Variants in PHF14 observed in about 807,000 individuals in gnomAD.
PHF14 encodes the protein PHD finger protein 14.
In PHF14, 55 loss-of-function variants were observed where a neutral mutation model predicts 117.9. That is an observed-to-expected ratio of 0.47 (90% confidence interval 0.38 to 0.58). PHF14 has a LOEUF of 0.58. Among genes scored for constraint, PHF14 ranks in the 20% least tolerant of loss-of-function variants. PHF14 has a pLI of 0.00. For missense variants in PHF14, 978 were observed against 1,122.2 expected, an observed-to-expected ratio of 0.87 and a Z score of 1.84; for synonymous variants, 409 against 368.6, an observed-to-expected ratio of 1.11 and a Z score of -1.26.
chr7:11,156,779 C>T (rs961240909), intron 17 of PHF14, among the ~76,000 whole-genome samples: 9 of 151,768 alleles, frequency 5.9e-5, no homozygotes, highest in South Asian at 2.1e-4. Flanking sequence ...GGTCATAGAG[C>T]GAGACTGTCT....
chr7:11,168,854 A>C (rs1244642340), intron 17 of PHF14, among the ~76,000 whole-genome samples: 1 of 152,128 alleles, frequency 6.6e-6, no homozygotes, highest in Admixed American at 6.6e-5. Flanking sequence ...TCATCTATTC[A>C]CCATGTTCCA....
chr7:11,156,895 G>A (rs1203893424), intron 17 of PHF14, among the ~76,000 whole-genome samples: 1 of 152,164 alleles, frequency 6.6e-6, no homozygotes, highest in Non-Finnish European at 1.5e-5. Context: ...AGCAGTATAA[G>A]TTACATTGAG....
At chr7:11,039,786 A>G (rs539427704) in intron 11 of PHF14, among the ~76,000 whole-genome samples, 43 of 152,300 alleles carry the variant, frequency 2.8e-4, no homozygotes, top group African/African-American at 9.9e-4. Flanking sequence ...ATCCTAAAGA[A>G]TGTTTTAAAA....
At chr7:11,118,061 T>C (rs1208068283) in intron 17 of PHF14, among the ~76,000 whole-genome samples, 1 of 151,810 alleles carries the variant, frequency 6.6e-6, no homozygotes, top group Non-Finnish European at 1.5e-5. Flanking sequence ...TACAAAAGCT[T>C]ACAAAAATGT....
chr7:11,006,859 C>T (rs577777478), intron 4 of PHF14: 44 of 629,382 alleles, frequency 7.0e-5, no homozygotes, highest in South Asian at 3.8e-4. Context: ...CCTTCACTTT[C>T]GGCACTGTCT....
At chr7:11,097,466 G>A (rs908420609) in intron 16 of PHF14, among the ~76,000 whole-genome samples, 7 of 151,936 alleles carry the variant, frequency 4.6e-5, no homozygotes, top group Non-Finnish European at 8.8e-5. Context: ...ACCATTAGGC[G>A]TAGTAGTAGG....
In PHF14 at chr7:10,974,335, C is replaced by A. The variant is rs763954045; in HGVS notation, c.1+11C>A. On this transcript the variant is annotated intron_variant, in intron 1 of 17. Transcript: ENST00000634607. ...CTCACGGATTCCTTAGTAAGTGTAT[C>A]CGAGGCCTCTGCGGCGAGAGGTCCA... 1 of 1,589,568 alleles carries A rather than the reference C, an allele frequency of 6.3e-7. No homozygotes were observed. The highest frequency in any genetic ancestry group is 8.6e-7 in the Non-Finnish European group (1 of 1,167,004).
At chr7:11,116,696 A>T (rs1431054019) in intron 17 of PHF14, among the ~76,000 whole-genome samples, 1 of 151,878 alleles carries the variant, frequency 6.6e-6, no homozygotes, top group Admixed American at 6.6e-5. Flanking sequence ...GAGAGAAGGG[A>T]TGAGGACTGA....
chr7:10,999,267 C>G (rs1172080138), intron 4 of PHF14, among the ~76,000 whole-genome samples: 1 of 152,178 alleles, frequency 6.6e-6, no homozygotes, highest in African/African-American at 2.4e-5. Context: ...CAGTTCACTC[C>G]AGTCCTCTCT....
intron 16 of PHF14, among the ~76,000 whole-genome samples, chr7:11,066,385 G>A (rs75450917): frequency 0.013 from 1,937 of 152,178 alleles, 110 homozygotes; most frequent in East Asian, 0.1. Context: ...TCAGCCTCCC[G>A]AGTAGCTGAG....
intron 17 of PHF14, among the ~76,000 whole-genome samples, chr7:11,154,563 T>C (rs1378141278): frequency 6.6e-6 from 1 of 152,198 alleles, no homozygotes; most frequent in Non-Finnish European, 1.5e-5. Context: ...CCTAGACCTA[T>C]ATTGGTCCTA....
At chr7:11,122,331 T>TATATATA (rs1787779306) in intron 17 of PHF14, among the ~76,000 whole-genome samples, 5 of 84,070 alleles carry the variant, frequency 5.9e-5, no homozygotes, top group South Asian at 3.9e-4. Flanking sequence ...TTTGTACTTT[T>TATATATA]TATATATATA....
chr7:11,166,902 CTG>C (rs1010967368), intron 17 of PHF14, among the ~76,000 whole-genome samples: 60 of 152,256 alleles, frequency 3.9e-4, no homozygotes, highest in Admixed American at 1.0e-3. Flanking sequence ...CATTTATAAA[CTG>C]TACTTTATTT....
intron 17 of PHF14, among the ~76,000 whole-genome samples, chr7:11,162,225 A>G (rs540270220): frequency 2.0e-5 from 3 of 151,130 alleles, no homozygotes; most frequent in African/African-American, 7.3e-5. Flanking sequence ...AGTAGCTGGG[A>G]CTACAGGCAC....
intron 13 of PHF14, among the ~76,000 whole-genome samples, chr7:11,043,668 G>C (rs1356442174): frequency 1.3e-5 from 2 of 151,964 alleles, no homozygotes; most frequent in Non-Finnish European, 2.9e-5. Flanking sequence ...TCACATGATT[G>C]CTTTTTTATA....
At chr7:11,016,362 A>G (rs1006832490) in intron 5 of PHF14, among the ~76,000 whole-genome samples, 2 of 152,184 alleles carry the variant, frequency 1.3e-5, no homozygotes, top group African/African-American at 4.8e-5. Context: ...AGAATATTGT[A>G]TATAAAGAAT....
In PHF14 at chr7:11,156,734, C is replaced by T. The variant is rs1183867079; in HGVS notation, c.2773-12682C>T. On this transcript the variant is annotated intron_variant, in intron 17 of 17. Transcript: ENST00000634607. ...CGCTGAATCCAGGAGGCAGAGGTTG[C>T]AGTGAGCAGAAGTCGTGCCATTGCA... Among the ~76,000 whole-genome samples the T allele has an allele frequency of 2.0e-5, 3 of 151,930 alleles. No homozygotes were observed. In the East Asian group the frequency reaches 5.8e-4, roughly 29 times the overall value.
intron 5 of PHF14, among the ~76,000 whole-genome samples, chr7:11,022,367 G>A (rs1318662348): frequency 1.3e-5 from 2 of 152,042 alleles, no homozygotes; most frequent in Non-Finnish European, 2.9e-5. Context: ...TGTAAAATAT[G>A]TCCTTAAAGA....
chr7:11,047,079 C>G (rs568888491), intron 13 of PHF14, among the ~76,000 whole-genome samples: 20 of 125,666 alleles, frequency 1.6e-4, no homozygotes, highest in African/African-American at 5.3e-4. Context: ...TTTTTTTTTT[C>G]TTTTTTTGAG....
Sources: gnomAD v4.1 joint callset for allele counts (sites outside exome capture counted in the v4.1 genomes callset) on GRCh38, gnomAD v4.1.1 for gene constraint, MANE v1.5 for transcripts, NCBI Gene and HGNC (gene_info 2026-07-23, HGNC 2026-07-21) for gene names.